RYR2: variants seen among roughly 807,000 people sequenced by gnomAD.
RYR2 encodes ryanodine receptor 2, also known as cardiac muscle ryanodine receptor-calcium release channel.
A neutral mutation model predicts 601.1 loss-of-function variants in RYR2; 227 were observed. That is an observed-to-expected ratio of 0.38 (90% CI 0.34 to 0.42). The LOEUF (loss-of-function observed/expected upper bound fraction) is 0.42, where lower values mean the gene tolerates loss of function less well. RYR2 is among the 10% of genes least tolerant of loss of function. The pLI is 1.00. For missense variants in RYR2, 4,646 were observed against 6,156.5 expected (o/e 0.75, Z 8.21); for synonymous variants, 2,223 against 2,175.1 (o/e 1.02, Z -0.61).
At chr1:237,652,457 C>G (rs986366361) in intron 51 of RYR2, among the ~76,000 whole-genome samples, 8 of 152,032 alleles carry the variant, frequency 5.3e-5, no homozygotes, top group African/African-American at 1.7e-4. Flanking sequence ...GCAATGCCAT[C>G]TAGTAGCATT....
At chr1:237,769,049 C>T (rs967552139) in intron 84 of RYR2, among the ~76,000 whole-genome samples, 8 of 152,044 alleles carry the variant, frequency 5.3e-5, no homozygotes, top group Non-Finnish European at 1.2e-4. Flanking sequence ...ATATTTATTT[C>T]AGTGTTTTTC....
At chr1:237,685,326 T>C (rs1265724074) in intron 62 of RYR2, among the ~76,000 whole-genome samples, 3 of 152,192 alleles carry the variant, frequency 2.0e-5, no homozygotes, top group Non-Finnish European at 4.4e-5. Flanking sequence ...GGACCTTGCC[T>C]TCTGTATCTG....
At chr1:237,615,485 C>T (rs891071961) in intron 37 of RYR2, among the ~76,000 whole-genome samples, 4 of 152,182 alleles carry the variant, frequency 2.6e-5, no homozygotes, top group Non-Finnish European at 5.9e-5. Flanking sequence ...AGCCACTGCA[C>T]CCAGCCACCT....
chr1:237,539,327 A>G (rs913924646), intron 25 of RYR2, among the ~76,000 whole-genome samples: 1 of 152,190 alleles, frequency 6.6e-6, no homozygotes, highest in Non-Finnish European at 1.5e-5. Flanking sequence ...TTGTGTAACT[A>G]TTAGAAATAT....
chr1:237,566,845 G>A (rs1317793482), intron 28 of RYR2, 70 bp downstream of exon 28: 3 of 1,502,892 alleles, frequency 2.0e-6, no homozygotes, highest in Non-Finnish European at 2.8e-6. Flanking sequence ...TGTTCCTCTT[G>A]GTAGCTTCAC....
At chr1:237,311,543 G>C (rs1694569358) in intron 2 of RYR2, among the ~76,000 whole-genome samples, 3 of 151,148 alleles carry the variant, frequency 2.0e-5, no homozygotes, top group African/African-American at 7.3e-5. Context: ...GCAGTGGCAA[G>C]ATCTTGGCTC....
Position 237,706,976 on chromosome 1 carries a change from A to C in RYR2, c.9608A>C (p.Asp3203Ala). ...AALSLPTNVE[D>A]VCPNIPSLEK... ...CTCAGTTTGCCAACTAATGTGGAAG[A>C]TGTTTGTCCAAACATACCGTCTTTG... Residue 3203 changes from aspartate to alanine, a missense_variant, in exon 68 of 105, where the codon GAT (aspartate) becomes GCT (alanine). Physicochemically the swap from Asp to Ala is moderately radical, Grantham distance 126. This residue lies in a region of RYR2 where 1,497 missense variants were observed against 1,842.6 expected (regional missense o/e 0.81). Transcript: ENST00000366574. 6.2e-7 allele frequency: 1 copy of C among 1,613,398 alleles called. No homozygotes were observed.
rs750741598 is a variant in RYR2 at position 237,569,287 on chromosome 1, A to G, written c.3566A>G (p.Glu1189Gly). The change falls in exon 29 of 105, where the codon GAA becomes GGA. Residue 1189 changes from glutamate to glycine, a missense_variant. Physicochemically the swap from Glu to Gly is moderately conservative, Grantham distance 98. Around this residue, in one of 17 missense-constraint regions of RYR2, gnomAD observed 1,807 missense variants for 2,088.1 expected, o/e 0.87. Coordinates refer to ENST00000366574, the MANE Select transcript of RYR2 (RefSeq NM_001035.3). ...ATCCTTCTTGATGATTCAGGCTCAG[A>G]ACTGGCTTTCAAGGACTTTGATGTT... ...GEILLDDSGS[E>G]LAFKDFDVGD... 5.0e-6 allele frequency: 8 copies of G among 1,613,888 alleles called. No individual in the cohort carries two copies. The highest frequency in any genetic ancestry group is 6.8e-6 in the Non-Finnish European group (8 of 1,179,854).
At chr1:237,682,214 A>G (rs1489621714) in intron 62 of RYR2, among the ~76,000 whole-genome samples, 1 of 152,072 alleles carries the variant, frequency 6.6e-6, no homozygotes, top group Non-Finnish European at 1.5e-5. Context: ...AGCTGGAAAA[A>G]TTTCATGGAA....
intron 12 of RYR2, among the ~76,000 whole-genome samples, chr1:237,428,234 A>T (rs1706400188): frequency 6.6e-6 from 1 of 152,214 alleles, no homozygotes; most frequent in African/African-American, 2.4e-5. Flanking sequence ...AATTTGACCC[A>T]GCGATCCCAT....
At chr1:237,291,296 G>A (rs1450389097) in intron 2 of RYR2, among the ~76,000 whole-genome samples, 2 of 152,046 alleles carry the variant, frequency 1.3e-5, no homozygotes, top group Admixed American at 6.6e-5. Flanking sequence ...ACCAATGCTG[G>A]TGGGGATGTG....
chr1:237,530,260 G>A (rs1668006545), intron 24 of RYR2, among the ~76,000 whole-genome samples, 167 bp from the exon 25 acceptor site: 2 of 151,172 alleles, frequency 1.3e-5, no homozygotes, highest in Non-Finnish European at 2.9e-5. Flanking sequence ...GCAGTGAGCC[G>A]AGATCGCGCC....
At chr1:237,563,221 A>G (rs1038222538) in intron 27 of RYR2, among the ~76,000 whole-genome samples, 4 of 152,042 alleles carry the variant, frequency 2.6e-5, no homozygotes, top group African/African-American at 9.7e-5. Context: ...CAGCGTGACA[A>G]TGGTGAAACC....
At chr1:237,724,184 C>CATATACATATATATATATAT (rs1491272047) in intron 74 of RYR2, among the ~76,000 whole-genome samples, 1 of 137,000 alleles carries the variant, frequency 7.3e-6, no homozygotes, top group Non-Finnish European at 1.5e-5. Context: ...TGTGTGTGTG[C>CATATACATATATATATATAT]ATATATATAT....
chr1:237,183,453 G>C (rs1475286196), intron 1 of RYR2, among the ~76,000 whole-genome samples: 1 of 152,134 alleles, frequency 6.6e-6, no homozygotes, highest in Admixed American at 6.5e-5. Context: ...ATAGTCCTTT[G>C]GATTTACCAG....
rs558536243 is a variant in RYR2 at position 237,331,589 on chromosome 1, G to A, written c.273+607G>A. 1.1e-4 allele frequency among the ~76,000 whole-genome samples: 16 copies of A among 151,870 alleles called. No homozygotes were observed. In the East Asian group the frequency reaches 3.1e-3, roughly 29 times the overall value. ...GCGATCTCAGCTCACTGCAAGCTCTGCCTCCCGGGTTCATGCCATTCTCCT... is the reference window on the plus strand; with the variant it reads ...GCGATCTCAGCTCACTGCAAGCTCTACCTCCCGGGTTCATGCCATTCTCCT... On this transcript the variant is annotated intron_variant, in intron 3 of 104. Coordinates refer to ENST00000366574, the MANE Select transcript of RYR2 (RefSeq NM_001035.3).
chr1:237,307,476 A>G (rs1693990674), intron 2 of RYR2, among the ~76,000 whole-genome samples: 1 of 152,242 alleles, frequency 6.6e-6, no homozygotes. Context: ...TTATTGTAAA[A>G]AGTAGAATTT....
intron 60 of RYR2, among the ~76,000 whole-genome samples, chr1:237,675,944 T>C (rs1241648513): frequency 1.3e-5 from 2 of 152,188 alleles, no homozygotes; most frequent in Non-Finnish European, 2.9e-5. Context: ...TAATTTATAA[T>C]CTGTAATCTC....
chr1:237,540,731 A>AT (rs1558994206), intron 25 of RYR2, among the ~76,000 whole-genome samples: 1 of 151,248 alleles, frequency 6.6e-6, no homozygotes, highest in Non-Finnish European at 1.5e-5. Flanking sequence ...AAAAAAAAAA[A>AT]GCATACTAGG....
Sources: allele counts gnomAD v4.1 joint callset (sites outside exome capture counted in the v4.1 genomes callset), GRCh38; gene constraint gnomAD v4.1.1; regional missense constraint gnomAD v4.1.1; transcripts MANE v1.5; gene names NCBI Gene and HGNC (gene_info 2026-07-23, HGNC 2026-07-21).